ANKRD40: variants seen among roughly 807,000 people sequenced by gnomAD.
ANKRD40 encodes ankyrin repeat domain-containing protein 40.
Under a neutral mutation model 35.5 loss-of-function variants are expected in ANKRD40, and 24 were observed. That is an observed-to-expected ratio of 0.68 (90% confidence interval 0.49 to 0.95). The LOEUF (loss-of-function observed/expected upper bound fraction) is 0.95. Among genes scored for constraint, ANKRD40 ranks in the 40% least tolerant of loss-of-function variants. The pLI, the probability that ANKRD40 is intolerant of heterozygous loss-of-function variation, is 0.00. For synonymous variants in ANKRD40, 147 were observed against 173.5 expected (o/e 0.85, Z 1.20); for missense variants, 361 against 436.0 (o/e 0.83, Z 1.53).
chr17:50,706,761 G>A (rs1968343847), intron 1 of ANKRD40, among the ~76,000 whole-genome samples: 1 of 149,522 alleles, frequency 6.7e-6, no homozygotes, highest in African/African-American at 2.5e-5. Context: ...AAAATTAGCC[G>A]GGTGTGGGGG....
chr17:50,707,784 C>A lies in ANKRD40; in HGVS notation c.-130G>T, dbSNP rs1968360629. 5.2e-6 allele frequency: 3 copies of A among 577,520 alleles called. No individual in the cohort carries two copies. The East Asian group carries it at 3.4e-4, about 66-fold the overall frequency. The allele number at this position is 577,520 out of a possible 1,614,324, so 35.8% of individuals were successfully genotyped here. A position where few individuals can be genotyped will look rare whatever the true frequency, so the allele number is the denominator to read the frequency against. On this transcript the variant is annotated 5_prime_UTR_variant, in exon 1 of 5. Coordinates refer to ENST00000285243, the MANE Select transcript of ANKRD40 (RefSeq NM_052855.4). The surrounding 1 kb of genome is among the most constrained non-coding windows in gnomAD (Gnocchi z 4.8). ...GAGCGCGGAACTCGCCCGCCCTGCT[C>A]GCGCCGCTGCCCGCGCCCGCCCCGG...
chr17:50,700,969 G>T (rs1968266219), intron 1 of ANKRD40: 5 of 354,568 alleles, frequency 1.4e-5, no homozygotes, highest in Middle Eastern at 8.5e-4. Flanking sequence ...ATAGCCTCCA[G>T]AAGGTAAGCT....
rs1332604633 is a variant in ANKRD40, at chr17:50,695,186, A to G, written c.*811T>C. On this transcript the variant is annotated 3_prime_UTR_variant, in exon 5 of 5. Coordinates refer to ENST00000285243, the MANE Select transcript of ANKRD40 (RefSeq NM_052855.4). ...GAAGTTTGAGACCAGCCTGGGCCAC[A>G]TAGTGAGACCCTGTCTCTATGGGCG... 7.1e-6 allele frequency: 1 copy of G among 140,686 alleles called. No homozygotes were observed. Among genetic ancestry groups the G allele is most frequent in the African/African-American group, 2.6e-5 (1 of 38,998 alleles). The allele number at this position is 140,686 out of a possible 1,614,324, so 8.7% of individuals were successfully genotyped here. A position where few individuals can be genotyped will look rare whatever the true frequency, so the allele number is the denominator to read the frequency against.
At chr17:50,696,580 T>C (rs1372476048) in intron 4 of ANKRD40, 4 of 221,088 alleles carry the variant, frequency 1.8e-5, no homozygotes, top group Non-Finnish European at 3.5e-5. Flanking sequence ...AAACCGAAAA[T>C]AGGAACACGT....
rs768810601 is a variant in ANKRD40, at chr17:50,700,613, G to C, written c.238C>G (p.Pro80Ala). ...TCTCTCCTTGATGTTAACTGGACTG[G>C]CATTTCTCCTTTTGTGGTAAGAATT... ...KEILTTKGEM[P>A]VQLTSRREIR... The change falls in exon 2 of 5, where the codon CCA becomes GCA. Residue 80 changes from proline to alanine, a missense_variant. By Grantham distance (27) the Pro-to-Ala change is conservative. Transcript: ENST00000285243. 6.2e-7 allele frequency: 1 copy of C among 1,614,020 alleles called. No homozygotes were observed. The highest frequency in any genetic ancestry group is 8.5e-7 in the Non-Finnish European group (1 of 1,179,998).
At chr17:50,701,455 C>A (rs149724999) in intron 1 of ANKRD40, among the ~76,000 whole-genome samples, 311 of 152,312 alleles carry the variant, frequency 2.0e-3, no homozygotes, top group African/African-American at 7.2e-3. Context: ...ATATCAGACT[C>A]ATTTAAGTAA....
In ANKRD40 at chr17:50,695,426, G is replaced by A. The variant is rs1597866076; in HGVS notation, c.*571C>T. On this transcript the variant is annotated 3_prime_UTR_variant, in exon 5 of 5. Coordinates refer to ENST00000285243, the MANE Select transcript of ANKRD40 (RefSeq NM_052855.4). ...CTGTATTCTTAAATACTTTTAACCT[G>A]AGTAACATTTATAAATATGTTATAG... The A allele has an allele frequency of 6.6e-6, 1 of 152,610 alleles. No individual in the cohort carries two copies. Among genetic ancestry groups the A allele is most frequent in the African/African-American group, 2.4e-5 (1 of 41,420 alleles). The allele number at this position is 152,610 out of a possible 1,614,324, so 9.5% of individuals were successfully genotyped here.
At chr17:50,700,875 A>G in intron 1 of ANKRD40, 159 bp from the exon 2 acceptor site, 1 of 556,678 alleles carries the variant, frequency 1.8e-6, no homozygotes, top group Non-Finnish European at 3.0e-6. Flanking sequence ...GATGAGCAAA[A>G]TATTTAATAT....
rs1968353796 is a variant in ANKRD40 at position 50,707,445 on chromosome 17, G to C, written c.134+76C>G. 2.6e-6 allele frequency: 4 copies of C among 1,544,896 alleles called. No individual in the cohort carries two copies. In the Admixed American group the frequency reaches 7.5e-5, roughly 29 times the overall value. On this transcript the variant is annotated intron_variant, in intron 1 of 4. Transcript: ENST00000285243. The surrounding 1 kb of genome is among the most constrained non-coding windows in gnomAD (Gnocchi z 4.8). ...GCCGTAGCCAGGCGTCCCGCGCTGG[G>C]CCCAGGTCGCGACTGACTGCCCCAC...
At chr17:50,698,558 G>A (rs1181542650) in intron 3 of ANKRD40, among the ~76,000 whole-genome samples, 1 of 151,996 alleles carries the variant, frequency 6.6e-6, no homozygotes, top group East Asian at 1.9e-4. Flanking sequence ...AATGATAAAG[G>A]GTAAAGATTC....
rs775479352 is a variant in ANKRD40, at chr17:50,699,422, C to A, written c.755G>T (p.Gly252Val). The A allele has an allele frequency of 8.1e-6, 13 of 1,614,024 alleles. No homozygotes were observed. Among genetic ancestry groups the A allele is most frequent in the Non-Finnish European group, 1.1e-5 (13 of 1,179,946 alleles). The change falls in exon 3 of 5, where the codon GGA becomes GTA. Residue 252 changes from glycine (G) to valine (V), a missense_variant. Physicochemically the swap from Gly to Val is moderately radical, Grantham distance 109. Coordinates refer to ENST00000285243, the MANE Select transcript of ANKRD40 (RefSeq NM_052855.4). Reference protein sequence around the residue: ...APAFQPFFFTGAFPFNMQELV... With the variant: ...APAFQPFFFTVAFPFNMQELV... ...ACCTTGCATATTAAATGGAAATGCT[C>A]CAGTGAAGAAAAATGGCTGGAATGC...
intron 3 of ANKRD40, among the ~76,000 whole-genome samples, chr17:50,698,680 T>A (rs750769719): frequency 7.2e-5 from 11 of 152,146 alleles, no homozygotes; most frequent in Non-Finnish European, 1.6e-4. Flanking sequence ...ATAGTACAGA[T>A]AGTACTATTT....
chr17:50,701,608 C>A (rs1281796206), intron 1 of ANKRD40, among the ~76,000 whole-genome samples: 1 of 152,180 alleles, frequency 6.6e-6, no homozygotes, highest in Admixed American at 6.6e-5. Flanking sequence ...GCAACTAAAT[C>A]CATCCCTAGG....
chr17:50,696,472 T>C (rs1968201890), intron 4 of ANKRD40, among the ~76,000 whole-genome samples: 1 of 152,162 alleles, frequency 6.6e-6, no homozygotes. Flanking sequence ...CACACATGCA[T>C]CTATGTGATT....
In ANKRD40 at chr17:50,707,666, C is replaced by T. The variant is rs1300578233; in HGVS notation, c.-12G>A. 6.6e-7 allele frequency: 1 copy of T among 1,517,120 alleles called. No individual in the cohort carries two copies. The highest frequency in any genetic ancestry group is 2.0e-5 in the Admixed American group (1 of 49,848). 94.0% of individuals were successfully genotyped at this position (1,517,120 alleles called of 1,614,324 possible). A position where few individuals can be genotyped will look rare whatever the true frequency, so the allele number is the denominator to read the frequency against. ...AGGAGGGCGTTCATCTTCCCACAGC[C>T]CCAGGCCCCCGCCCAGGCCCGCCTG... On this transcript the variant is annotated 5_prime_UTR_variant, in exon 1 of 5. Transcript: ENST00000285243. The surrounding 1 kb of genome is among the most constrained non-coding windows in gnomAD (Gnocchi z 4.8).
Position 50,694,253 on chromosome 17 carries a change from G to A in ANKRD40, c.*1744C>T, listed in dbSNP as rs1968170413. ...TACAAGGGTGAGTAAGTCACCAGCA[G>A]TAATTGGTGGGATACAATTAAGTCA... On this transcript the variant is annotated 3_prime_UTR_variant, in exon 5 of 5. Coordinates refer to ENST00000285243, the MANE Select transcript of ANKRD40 (RefSeq NM_052855.4). 1 of 152,104 alleles carries A rather than the reference G, an allele frequency of 6.6e-6. No individual in the cohort carries two copies. The highest frequency in any genetic ancestry group is 6.5e-5 in the Admixed American group (1 of 15,270). The allele number at this position is 152,104 out of a possible 1,614,324, so 9.4% of individuals were successfully genotyped here.
In ANKRD40 at chr17:50,707,009, T is replaced by C. The variant is rs1968348890; in HGVS notation, c.134+512A>G. 6.6e-6 allele frequency among the ~76,000 whole-genome samples: 1 copy of C among 150,676 alleles called. No individual in the cohort carries two copies. Among genetic ancestry groups the C allele is most frequent in the South Asian group, 2.1e-4 (1 of 4,792 alleles). ...ACTACAGGCAGCAGCAGCAAATCGG[T>C]TGCAGTGAAACAACAGAGAAGCAGA... is the stretch of plus-strand genomic sequence containing the variant. On this transcript the variant is annotated intron_variant, in intron 1 of 4. Transcript: ENST00000285243. The surrounding 1 kb of genome is among the most constrained non-coding windows in gnomAD (Gnocchi z 4.8).
Position 50,695,970 on chromosome 17 carries a change from T to C in ANKRD40, c.*27A>G. 1 of 1,613,240 alleles carries C rather than the reference T, an allele frequency of 6.2e-7. No homozygotes were observed. The highest frequency in any genetic ancestry group is 8.5e-7 in the Non-Finnish European group (1 of 1,179,444). ...CCAGAGGTGATGCACACTGTCATAA[T>C]ACTCAGTGATAAAAGTCCCTGCTGC... On this transcript the variant is annotated 3_prime_UTR_variant, in exon 5 of 5. Coordinates refer to ENST00000285243, the MANE Select transcript of ANKRD40 (RefSeq NM_052855.4).
rs1968242059 is a variant in ANKRD40 at position 50,699,571 on chromosome 17, G to A, written c.606C>T (p.Ser202=). ...GCTGACAAACAGGACCCGGTTTTGTGCTTTCTGGTGTTCTGAGTATGGCAG... is the reference window on the plus strand; with the variant it reads ...GCTGACAAACAGGACCCGGTTTTGTACTTTCTGGTGTTCTGAGTATGGCAG... ...APSAILRTPE[S]TKPGPVCQPP... Residue 202 remains serine, a synonymous_variant, in exon 3 of 5, where the codon AGC becomes AGT. Transcript: ENST00000285243. 13 of 1,614,190 alleles carry A rather than the reference G, an allele frequency of 8.1e-6. No homozygotes were observed. The highest frequency in any genetic ancestry group is 2.7e-5 in the African/African-American group (2 of 75,040).
Sources: allele counts gnomAD v4.1 joint callset (sites outside exome capture counted in the v4.1 genomes callset), GRCh38; gene constraint gnomAD v4.1.1; non-coding constraint Gnocchi (gnomAD v3.1); transcripts MANE v1.5; gene names NCBI Gene and HGNC (gene_info 2026-07-23, HGNC 2026-07-21).